CNTNAP4: variants seen among roughly 807,000 people sequenced by gnomAD.
The protein encoded by CNTNAP4 is contactin associated protein family member 4.
Under a neutral mutation model 148.4 loss-of-function variants are expected in CNTNAP4, and 98 were observed. The ratio of observed to expected loss-of-function variants is 0.66; its 90% CI spans 0.56 to 0.78. The LOEUF (loss-of-function observed/expected upper bound fraction) is 0.78. CNTNAP4 is among the 30% of genes least tolerant of loss of function. The pLI is 0.00. For missense variants in CNTNAP4, 1,935 were observed against 1,565.6 expected, an observed-to-expected ratio of 1.24 and a Z score of -3.98; for synonymous variants, 730 against 565.1, an observed-to-expected ratio of 1.29 and a Z score of -4.14.
intron 15 of CNTNAP4, among the ~76,000 whole-genome samples, chr16:76,510,861 T>C (rs1506826): frequency 0.5 from 75,640 of 151,864 alleles, 22,384 homozygotes; most frequent in Middle Eastern, 0.71. Flanking sequence ...AGATTTCCTT[T>C]ATTTTATGCC....
At chr16:76,495,119 A>G (rs1351832132) in intron 14 of CNTNAP4, 53 bp downstream of exon 14, 4 of 1,589,598 alleles carry the variant, frequency 2.5e-6, no homozygotes, top group Admixed American at 1.7e-5. Flanking sequence ...AAAAAAATTA[A>G]TCACTCAAAG....
intron 2 of CNTNAP4, among the ~76,000 whole-genome samples, chr16:76,352,879 A>G (rs1183110646): frequency 6.6e-6 from 1 of 152,146 alleles, no homozygotes; most frequent in Admixed American, 6.5e-5. Context: ...CATTCCGTAT[A>G]AATAACAGTC....
intron 10 of CNTNAP4, among the ~76,000 whole-genome samples, chr16:76,468,132 A>G (rs1394603020): frequency 6.6e-6 from 1 of 152,164 alleles, no homozygotes; most frequent in African/African-American, 2.4e-5. Flanking sequence ...AGGACATGAC[A>G]AGGCAGGACT....
intron 17 of CNTNAP4, among the ~76,000 whole-genome samples, chr16:76,523,804 C>T (rs1200186018): frequency 6.6e-6 from 1 of 151,990 alleles, no homozygotes; most frequent in Non-Finnish European, 1.5e-5. Context: ...TGGTGGCACT[C>T]GCCTGTAATC....
chr16:76,490,607 T>C (rs942130943), intron 13 of CNTNAP4, among the ~76,000 whole-genome samples: 1 of 152,164 alleles, frequency 6.6e-6, no homozygotes, highest in African/African-American at 2.4e-5. Context: ...AACCATCCAA[T>C]GCAAAATCCA....
chr16:76,448,173 C>A lies in CNTNAP4; in HGVS notation c.700C>A (p.Leu234Met). 1 of 1,613,480 alleles carries A rather than the reference C, an allele frequency of 6.2e-7. No homozygotes were observed. The highest frequency in any genetic ancestry group is 8.5e-7 in the Non-Finnish European group (1 of 1,179,542). The change falls in exon 5 of 24, where the codon CTG becomes ATG. Residue 234 changes from leucine to methionine, a missense_variant. Physicochemically the swap from Leu to Met is conservative, Grantham distance 15. Coordinates refer to ENST00000611870, the MANE Select transcript of CNTNAP4 (RefSeq NM_033401.5). ...REGPNGDHIT[L>M]QLRRARLFLL... ...AGGGCCAAATGGAGATCACATCACA[C>A]TGCAATTAAGAAGAGCAAGACTCTT...
intron 12 of CNTNAP4, among the ~76,000 whole-genome samples, chr16:76,488,595 A>C (rs2082106102): frequency 6.6e-6 from 1 of 152,178 alleles, no homozygotes. Flanking sequence ...AGTTTTGCCT[A>C]CTATTACTAT....
At chr16:76,480,901 T>A (rs1381098822) in intron 12 of CNTNAP4, among the ~76,000 whole-genome samples, 3 of 152,194 alleles carry the variant, frequency 2.0e-5, no homozygotes, top group Non-Finnish European at 2.9e-5. Context: ...AAGCATATTC[T>A]AAAATTATGA....
chr16:76,335,758 C>G (rs538497330), intron 2 of CNTNAP4, among the ~76,000 whole-genome samples: 3 of 152,162 alleles, frequency 2.0e-5, no homozygotes, highest in African/African-American at 7.2e-5. Flanking sequence ...CCCTTATCAG[C>G]CCCAGAGGGC....
At chr16:76,435,534 A>G (rs554513081) in intron 4 of CNTNAP4, among the ~76,000 whole-genome samples, 1 of 152,294 alleles carries the variant, frequency 6.6e-6, no homozygotes, top group Non-Finnish European at 1.5e-5. Context: ...GATCTGACAT[A>G]CAGGGAAGAG....
intron 2 of CNTNAP4, among the ~76,000 whole-genome samples, chr16:76,347,742 C>T (rs1965027790): frequency 6.6e-6 from 1 of 151,896 alleles, no homozygotes; most frequent in Non-Finnish European, 1.5e-5. Flanking sequence ...TGGAAAATGA[C>T]TGATGTTCAG....
chr16:76,355,208 A>G (rs1265331451), intron 2 of CNTNAP4, 110 bp from the exon 3 acceptor site: 1 of 619,710 alleles, frequency 1.6e-6, no homozygotes. Flanking sequence ...CATATTTTGG[A>G]TATTTAAGTT....
At chr16:76,519,307 T>C (rs1014631845) in intron 15 of CNTNAP4, among the ~76,000 whole-genome samples, 4 of 152,168 alleles carry the variant, frequency 2.6e-5, no homozygotes, top group African/African-American at 9.7e-5. Flanking sequence ...TTTAAAGACA[T>C]TCATGTACAG....
chr16:76,291,872 A>G (rs1469504036), intron 1 of CNTNAP4, among the ~76,000 whole-genome samples: 1 of 152,218 alleles, frequency 6.6e-6, no homozygotes, highest in African/African-American at 2.4e-5. Flanking sequence ...CAATCTTAGC[A>G]CAGCATCTGT....
chr16:76,529,975 A>G (rs1379719992), intron 17 of CNTNAP4, among the ~76,000 whole-genome samples: 1 of 151,994 alleles, frequency 6.6e-6, no homozygotes, highest in Non-Finnish European at 1.5e-5. Context: ...TCTATTCACC[A>G]TTGGATAGCT....
chr16:76,479,545 T>A lies in CNTNAP4; in HGVS notation c.1882+7T>A, dbSNP rs755774922. On this transcript the variant is annotated splice_region_variant and intron_variant, in intron 12 of 23. Coordinates refer to ENST00000611870, the MANE Select transcript of CNTNAP4 (RefSeq NM_033401.5). ...CTATATTGCAATATGACCGGTGAGT[T>A]AATCAGCTTTTATTTTACAGTTAAA... is the stretch of plus-strand genomic sequence containing the variant. 1.2e-6 allele frequency: 2 copies of A among 1,601,036 alleles called. No homozygotes were observed. The highest frequency in any genetic ancestry group is 1.2e-5 in the South Asian group (1 of 86,700).
rs538087500 is a variant in CNTNAP4, at chr16:76,287,189, C to T, written c.85+9442C>T. ...CATTTAAGAAAGCAAAGAGCAAACA[C>T]TGTAGATAACATTTAGTTTCTTAAA... On this transcript the variant is annotated intron_variant, in intron 1 of 23. Coordinates refer to ENST00000611870, the MANE Select transcript of CNTNAP4 (RefSeq NM_033401.5). Among the ~76,000 whole-genome samples, 5 of 152,286 alleles carry T rather than the reference C, an allele frequency of 3.3e-5. No homozygotes were observed. In the East Asian group the frequency reaches 9.6e-4, roughly 29 times the overall value.
chr16:76,474,837 G>C (rs967298536), intron 10 of CNTNAP4, among the ~76,000 whole-genome samples: 2 of 152,080 alleles, frequency 1.3e-5, no homozygotes, highest in Non-Finnish European at 2.9e-5. Context: ...TTAAAAAGTG[G>C]TTTAGGTCCA....
chr16:76,530,860 G>C (rs2083950378), intron 17 of CNTNAP4, among the ~76,000 whole-genome samples: 1 of 152,190 alleles, frequency 6.6e-6, no homozygotes, highest in South Asian at 2.1e-4. Context: ...ATTTCTGCAA[G>C]GCAGAGTTTT....
Sources: gnomAD v4.1 joint callset for allele counts (sites outside exome capture counted in the v4.1 genomes callset) on GRCh38, gnomAD v4.1.1 for gene constraint, MANE v1.5 for transcripts, NCBI Gene and HGNC (gene_info 2026-07-23, HGNC 2026-07-21) for gene names.